The following GRID1 variants were observed in gnomAD, a reference collection of about 807,000 sequenced individuals.
GRID1 encodes glutamate ionotropic receptor delta type subunit 1.
A neutral mutation model predicts 98.0 loss-of-function variants in GRID1; 28 were observed. The observed-to-expected ratio is 0.29, with a 90% CI of 0.21 to 0.39. GRID1 has a LOEUF of 0.39. Ranked by LOEUF, GRID1 falls within the 10% of genes least tolerant of loss-of-function variation. The probability of loss-of-function intolerance (pLI) is 1.00; values close to 1 mark genes in which losing one functional copy is unlikely to be tolerated. For synonymous variants in GRID1, 553 were observed against 538.5 expected (o/e 1.03, Z -0.37); for missense variants, 1,111 against 1,340.5 (o/e 0.83, Z 2.67).
chr10:85,766,730 T>TTG (rs35691322), intron 8 of GRID1, among the ~76,000 whole-genome samples: 34,550 of 138,168 alleles, frequency 0.25, 4,235 homozygotes, highest in South Asian at 0.3. Context: ...AGGCAGATGA[T>TTG]TGTGTGTGTG....
At chr10:86,149,044 C>T (rs1845125305) in intron 3 of GRID1, among the ~76,000 whole-genome samples, 1 of 152,208 alleles carries the variant, frequency 6.6e-6, no homozygotes, top group South Asian at 2.1e-4. Context: ...CCAACCTTCT[C>T]AACAGCACAG....
chr10:85,759,856 T>G (rs971107887), intron 8 of GRID1, among the ~76,000 whole-genome samples: 4 of 152,188 alleles, frequency 2.6e-5, no homozygotes, highest in African/African-American at 9.7e-5. Flanking sequence ...CCTAGCTAAT[T>G]AGTGATGACA....
In GRID1 at chr10:85,891,187, AT is replaced by A. The variant is rs539749691; in HGVS notation, c.781-22008del. Among the ~76,000 whole-genome samples the A allele has an allele frequency of 1.7e-3, 265 of 152,124 alleles. 1 individual carries two copies. Among genetic ancestry groups the A allele is most frequent in the African/African-American group, 6.0e-3 (248 of 41,522 alleles). ...ACCTTATGTTTCACATTAACACCTCATTTTTTTTATCCCTGAGGAGCTGACA... is the reference window on the plus strand; with the variant it reads ...ACCTTATGTTTCACATTAACACCTCATTTTTTTATCCCTGAGGAGCTGACA... On this transcript the variant is annotated intron_variant, in intron 5 of 15. Transcript: ENST00000327946.
intron 4 of GRID1, among the ~76,000 whole-genome samples, chr10:86,008,382 A>G (rs747212030): frequency 6.6e-6 from 1 of 152,220 alleles, no homozygotes; most frequent in Non-Finnish European, 1.5e-5. Flanking sequence ...CCAAAAAAAA[A>G]CTGTATAGAA....
chr10:85,732,699 A>T (rs1206777772), intron 8 of GRID1, among the ~76,000 whole-genome samples: 3 of 152,186 alleles, frequency 2.0e-5, no homozygotes, highest in African/African-American at 7.2e-5. Context: ...GCAAGTGGGT[A>T]CCCTTACAAC....
chr10:86,248,792 T>G (rs1846774835), intron 2 of GRID1, among the ~76,000 whole-genome samples: 1 of 152,142 alleles, frequency 6.6e-6, no homozygotes, highest in African/African-American at 2.4e-5. Context: ...AGGGTGGTCT[T>G]GAACTCCTGG....
chr10:85,658,070 G>A (rs1840922905), intron 12 of GRID1, among the ~76,000 whole-genome samples: 1 of 152,212 alleles, frequency 6.6e-6, no homozygotes, highest in Non-Finnish European at 1.5e-5. Context: ...TGTCACAAAT[G>A]TGTCTGAAAT....
intron 4 of GRID1, among the ~76,000 whole-genome samples, chr10:86,129,923 A>G (rs1222559350): frequency 2.0e-5 from 3 of 152,208 alleles, no homozygotes; most frequent in Non-Finnish European, 4.4e-5. Context: ...AGAAGTCACA[A>G]TGCACCAGGT....
intron 5 of GRID1, among the ~76,000 whole-genome samples, chr10:85,885,707 A>G (rs1358139091): frequency 1.3e-5 from 2 of 152,248 alleles, no homozygotes; most frequent in Non-Finnish European, 2.9e-5. Context: ...ATGGACTACC[A>G]TGCAGCTAGA....
intron 8 of GRID1, among the ~76,000 whole-genome samples, chr10:85,771,496 C>T (rs1842267061): frequency 6.6e-6 from 1 of 151,974 alleles, no homozygotes; most frequent in South Asian, 2.1e-4. Context: ...TGTAAATGGA[C>T]TAAATGCTCC....
chr10:86,108,752 G>C (rs2131950197), intron 4 of GRID1, among the ~76,000 whole-genome samples: 1 of 152,310 alleles, frequency 6.6e-6, no homozygotes, highest in Middle Eastern at 3.4e-3. Context: ...TTTAACAAGA[G>C]AGGTCTTTGA....
intron 8 of GRID1, among the ~76,000 whole-genome samples, chr10:85,842,151 A>T (rs183625768): frequency 4.3e-4 from 66 of 152,278 alleles, no homozygotes; most frequent in African/African-American, 1.2e-3. Context: ...GCCACAAAAA[A>T]GAACAAGATC....
chr10:86,361,891 C>T (rs1848605004), intron 2 of GRID1, among the ~76,000 whole-genome samples: 1 of 152,222 alleles, frequency 6.6e-6, no homozygotes. Flanking sequence ...CCACAGGAAC[C>T]AGCTGCCCGG....
At chr10:86,193,681 A>AC (rs1845836014) in intron 3 of GRID1, among the ~76,000 whole-genome samples, 1 of 150,048 alleles carries the variant, frequency 6.7e-6, no homozygotes, top group Admixed American at 6.7e-5. Context: ...CATTCCTGGG[A>AC]CCCCTCAGCT....
intron 4 of GRID1, among the ~76,000 whole-genome samples, chr10:85,984,778 C>T (rs1282696019): frequency 6.6e-6 from 1 of 152,130 alleles, no homozygotes; most frequent in African/African-American, 2.4e-5. Flanking sequence ...CACATAGGTA[C>T]ATTCACAGCC....
intron 8 of GRID1, among the ~76,000 whole-genome samples, chr10:85,839,928 C>T (rs1254627567): frequency 6.6e-6 from 1 of 152,018 alleles, no homozygotes; most frequent in Non-Finnish European, 1.5e-5. Flanking sequence ...AGCATATTAC[C>T]ATTGACTCCA....
At chr10:85,633,947 G>C (rs564881462) in intron 13 of GRID1, among the ~76,000 whole-genome samples, 1 of 152,036 alleles carries the variant, frequency 6.6e-6, no homozygotes, top group Non-Finnish European at 1.5e-5. Context: ...TGAGGTGGGC[G>C]GATCACCTGA....
At chr10:86,044,923 G>A (rs1326006876) in intron 4 of GRID1, among the ~76,000 whole-genome samples, 3 of 152,230 alleles carry the variant, frequency 2.0e-5, no homozygotes, top group Non-Finnish European at 1.5e-5. Flanking sequence ...CCCTGAGTCA[G>A]TGCCAGGCAG....
intron 2 of GRID1, among the ~76,000 whole-genome samples, chr10:86,294,302 C>G (rs1019433938): frequency 1.1e-4 from 17 of 152,222 alleles, no homozygotes; most frequent in African/African-American, 4.1e-4. Flanking sequence ...CCTGGCGACT[C>G]CTGTGTGGAC....
Sources: gnomAD v4.1 joint callset for allele counts (sites outside exome capture counted in the v4.1 genomes callset) on GRCh38, gnomAD v4.1.1 for gene constraint, MANE v1.5 for transcripts, NCBI Gene and HGNC (gene_info 2026-07-23, HGNC 2026-07-21) for gene names.